The following AUTS2 variants were observed in gnomAD, a reference collection of about 807,000 sequenced individuals.
AUTS2 encodes the protein autism susceptibility gene 2 protein.
A neutral mutation model predicts 112.4 loss-of-function variants in AUTS2; 17 were observed. The observed-to-expected ratio is 0.15, with a 90% CI of 0.10 to 0.23. The LOEUF is 0.23. AUTS2 is among the 10% of genes least tolerant of loss of function. The pLI is 1.00. For missense variants in AUTS2, 1,510 were observed against 1,701.6 expected (o/e 0.89, Z 1.98); for synonymous variants, 751 against 702.7 (o/e 1.07, Z -1.09).
intron 1 of AUTS2, among the ~76,000 whole-genome samples, chr7:69,851,610 C>A (rs2129529899): frequency 6.6e-6 from 1 of 152,324 alleles, no homozygotes; most frequent in East Asian, 1.9e-4. Context: ...ACTGAACTTT[C>A]CCATCCATGA....
intron 1 of AUTS2, among the ~76,000 whole-genome samples, chr7:69,861,538 C>T (rs993930455): frequency 2.6e-5 from 4 of 152,134 alleles, no homozygotes; most frequent in Non-Finnish European, 5.9e-5. Context: ...TTGAAAAAGG[C>T]TTGCAAGGAG....
At position 70,421,447 on chromosome 7, in the gene AUTS2, A is replaced by ACT. The variant is rs1053307916; in HGVS notation, c.661-14303_661-14302dup. Among the ~76,000 whole-genome samples the ACT allele has an allele frequency of 3.6e-4, 54 of 152,040 alleles. 1 individual carries two copies. Among genetic ancestry groups the ACT allele is most frequent in the African/African-American group, 1.3e-3 (53 of 41,480 alleles). On this transcript the variant is annotated intron_variant, in intron 4 of 18. Transcript: ENST00000342771. ...CTCTTAATTTTTGACACAGTAGGGA[A>ACT]CTCCAGCATGGCTGCCATTTAAAAT... is the stretch of plus-strand genomic sequence containing the variant.
intron 5 of AUTS2, among the ~76,000 whole-genome samples, chr7:70,643,609 T>G (rs2129540713): frequency 6.6e-6 from 1 of 152,284 alleles, no homozygotes; most frequent in Non-Finnish European, 1.5e-5. Flanking sequence ...AAACCTAAGT[T>G]ATCTTTCCTC....
chr7:69,860,003 A>G (rs1217041864), intron 1 of AUTS2, among the ~76,000 whole-genome samples: 1 of 152,070 alleles, frequency 6.6e-6, no homozygotes, highest in Non-Finnish European at 1.5e-5. Flanking sequence ...TCAAATTTAG[A>G]AAATTTTAAG....
At chr7:70,413,704 G>T (rs1409793755) in intron 4 of AUTS2, among the ~76,000 whole-genome samples, 1 of 151,704 alleles carries the variant, frequency 6.6e-6, no homozygotes, top group African/African-American at 2.4e-5. Context: ...TTGAGACAGG[G>T]TCTCACTTTG....
At chr7:69,967,757 A>G (rs1262933260) in intron 2 of AUTS2, among the ~76,000 whole-genome samples, 2 of 152,070 alleles carry the variant, frequency 1.3e-5, no homozygotes, top group African/African-American at 4.8e-5. Context: ...AGGTGAGACA[A>G]TGATCAAGTC....
Position 70,790,217 on chromosome 7 carries a change from C to T in AUTS2, c.3001C>T (p.Arg1001Trp). 12 of 1,612,480 alleles carry T rather than the reference C, an allele frequency of 7.4e-6. No individual in the cohort carries two copies. The highest frequency in any genetic ancestry group is 1.1e-5 in the South Asian group (1 of 91,042). Residue 1001 changes from arginine (R) to tryptophan (W), a missense_variant, in exon 19 of 19, where the codon CGG (arginine) becomes TGG (tryptophan). Arg to Trp is a moderately radical substitution (Grantham distance 101). Around this residue, in one of 3 missense-constraint regions of AUTS2, gnomAD observed 788 missense variants for 797.6 expected, o/e 0.99. Transcript: ENST00000342771. The surrounding 1 kb of genome is among the most constrained non-coding windows in gnomAD (Gnocchi z 7.6). ...GCCTCCAGAGGCCCCGCAGACCCACCGGGCCTCGGAGCCGCCGCCTCCCAA... is the reference window on the plus strand; with the variant it reads ...GCCTCCAGAGGCCCCGCAGACCCACTGGGCCTCGGAGCCGCCGCCTCCCAA... Reference protein sequence around the residue: ...DLPPEAPQTHRASEPPPPNSS... With the variant: ...DLPPEAPQTHWASEPPPPNSS...
intron 4 of AUTS2, among the ~76,000 whole-genome samples, chr7:70,243,879 A>AT (rs1812761258): frequency 6.6e-6 from 1 of 152,006 alleles, no homozygotes; most frequent in African/African-American, 2.4e-5. Flanking sequence ...CTGCCCTCTC[A>AT]TTTTTACCTT....
At chr7:70,353,870 A>G (rs1451644854) in intron 4 of AUTS2, among the ~76,000 whole-genome samples, 1 of 152,192 alleles carries the variant, frequency 6.6e-6, no homozygotes, top group Non-Finnish European at 1.5e-5. Context: ...TCTTGTTGTC[A>G]GCTCTGCCTC....
Position 69,823,730 on chromosome 7 carries a change from G to A in AUTS2, c.310-75556G>A, listed in dbSNP as rs145860795. Among the ~76,000 whole-genome samples, 208 of 151,868 alleles carry A rather than the reference G, an allele frequency of 1.4e-3. 3 individuals carry two copies. Among genetic ancestry groups the A allele is most frequent in the Admixed American group, 0.012 (179 of 15,262 alleles). ...GATTTTTCTGTGCACATAAAAGGAA[G>A]CACTTACTGAATACAGGAAAAAATC... On this transcript the variant is annotated intron_variant, in intron 1 of 18. Coordinates refer to ENST00000342771, the MANE Select transcript of AUTS2 (RefSeq NM_015570.4).
At chr7:70,439,356 A>G (rs919350675) in intron 5 of AUTS2, among the ~76,000 whole-genome samples, 4 of 151,944 alleles carry the variant, frequency 2.6e-5, no homozygotes, top group African/African-American at 9.7e-5. Flanking sequence ...TGACCAACAT[A>G]GTGAAACCCC....
At chr7:70,339,371 C>A (rs1791150983) in intron 4 of AUTS2, among the ~76,000 whole-genome samples, 1 of 152,182 alleles carries the variant, frequency 6.6e-6, no homozygotes, top group Admixed American at 6.5e-5. Context: ...GCCATCAAAT[C>A]TCTGTTATCC....
intron 5 of AUTS2, among the ~76,000 whole-genome samples, chr7:70,696,494 A>C (rs1468102839): frequency 1.3e-5 from 2 of 152,210 alleles, no homozygotes; most frequent in African/African-American, 4.8e-5. Context: ...AGCCTCTCTG[A>C]ATATCCGGTC....
At chr7:70,035,774 T>C (rs1197043724) in intron 2 of AUTS2, among the ~76,000 whole-genome samples, 3 of 152,160 alleles carry the variant, frequency 2.0e-5, no homozygotes, top group Non-Finnish European at 4.4e-5. Context: ...CCTCCTCATT[T>C]CTTCTTACCA....
chr7:70,219,791 C>T (rs1811379959), intron 4 of AUTS2, among the ~76,000 whole-genome samples: 2 of 151,996 alleles, frequency 1.3e-5, no homozygotes. Context: ...AGGCTGATCT[C>T]GAACTCCTGA....
chr7:70,531,488 G>T (rs1325946518), intron 5 of AUTS2, among the ~76,000 whole-genome samples: 1 of 152,174 alleles, frequency 6.6e-6, no homozygotes, highest in Non-Finnish European at 1.5e-5. Flanking sequence ...GCCAGCATCT[G>T]CTCTGCTTCT....
chr7:70,734,408 C>G (rs548156305), intron 6 of AUTS2, among the ~76,000 whole-genome samples: 22 of 151,852 alleles, frequency 1.4e-4, no homozygotes, highest in African/African-American at 5.1e-4. Flanking sequence ...CCACTGCACT[C>G]CAGCCTGGGA....
chr7:70,250,063 A>G (rs896331983), intron 4 of AUTS2, among the ~76,000 whole-genome samples: 20 of 152,064 alleles, frequency 1.3e-4, no homozygotes, highest in Admixed American at 3.9e-4. Context: ...AATGATCCTA[A>G]TAAATGGGGA....
At chr7:70,234,926 T>A (rs1468763343) in intron 4 of AUTS2, among the ~76,000 whole-genome samples, 1 of 152,168 alleles carries the variant, frequency 6.6e-6, no homozygotes. Flanking sequence ...GATGGGCTTA[T>A]TCCAGTGGAG....
Sources: gnomAD v4.1 joint callset for allele counts (sites outside exome capture counted in the v4.1 genomes callset) on GRCh38, gnomAD v4.1.1 for gene constraint, gnomAD v4.1.1 regional missense constraint, Gnocchi (gnomAD v3.1) non-coding constraint, MANE v1.5 for transcripts, NCBI Gene and HGNC (gene_info 2026-07-23, HGNC 2026-07-21) for gene names.